RACGAP1: variants seen among roughly 807,000 people sequenced by gnomAD.
RACGAP1 encodes rac GTPase-activating protein 1.
In RACGAP1, 30 loss-of-function variants were observed where a neutral mutation model predicts 78.1. The observed-to-expected ratio is 0.38, with a 90% CI of 0.29 to 0.52. The LOEUF is 0.52. Ranked by LOEUF, RACGAP1 falls within the 20% of genes least tolerant of loss-of-function variation. The pLI, the probability that RACGAP1 is intolerant of heterozygous loss-of-function variation, is 0.82. For missense variants in RACGAP1, 587 were observed against 777.1 expected (o/e 0.76, Z 2.91); for synonymous variants, 231 against 264.8 (o/e 0.87, Z 1.24).
intron 1 of RACGAP1, among the ~76,000 whole-genome samples, chr12:50,020,669 C>A (rs1949960301): frequency 6.6e-6 from 1 of 152,068 alleles, no homozygotes; most frequent in East Asian, 1.9e-4. Context: ...TGTTGCAGAC[C>A]TACTCAGAGA....
At chr12:50,027,765 G>T (rs962103796), upstream of RACGAP1, among the ~76,000 whole-genome samples, 1 of 152,224 alleles carries the variant, frequency 6.6e-6, no homozygotes, top group East Asian at 1.9e-4. Flanking sequence ...GGCAGAGGTT[G>T]TGGTGAGCCG....
Position 49,995,503 on chromosome 12 carries a change from T to A in RACGAP1, c.1045-994A>T, listed in dbSNP as rs1948202995. Among the ~76,000 whole-genome samples, 9 of 152,122 alleles carry A rather than the reference T, an allele frequency of 5.9e-5. No homozygotes were observed. In the South Asian group the frequency reaches 1.9e-3, roughly 31 times the overall value. ...AATGTTACTTACATAATAATTTTTT[T>A]TTTTTTTGAGATAGGGTCTTGCTCT... On this transcript the variant is annotated intron_variant, in intron 10 of 16. Transcript: ENST00000312377.
At chr12:50,019,175 C>T (rs1455389642) in intron 1 of RACGAP1, among the ~76,000 whole-genome samples, 1 of 152,136 alleles carries the variant, frequency 6.6e-6, no homozygotes, top group Non-Finnish European at 1.5e-5. Context: ...ATGTATCTAC[C>T]ATACCCACCC....
At chr12:50,029,183 T>G (rs1274851353), upstream of RACGAP1, among the ~76,000 whole-genome samples, 1 of 111,502 alleles carries the variant, frequency 9.0e-6, no homozygotes, top group Non-Finnish European at 1.8e-5. Flanking sequence ...GCCACTGCAC[T>G]CCAGCCTGGG....
chr12:50,017,225 G>A (rs1004790609), intron 1 of RACGAP1: 2 of 334,960 alleles, frequency 6.0e-6, no homozygotes, highest in Admixed American at 6.3e-5. Context: ...CACAGATGAC[G>A]TCACATGAGT....
chr12:50,021,205 TCATA>T, intron 1 of RACGAP1: 1 of 821,784 alleles, frequency 1.2e-6, no homozygotes, highest in Non-Finnish European at 1.5e-6. Context: ...AAAAACAAAG[TCATA>T]TTGTAGTACA....
At chr12:50,009,182 G>A (rs1255663538) in intron 2 of RACGAP1, among the ~76,000 whole-genome samples, 1 of 147,752 alleles carries the variant, frequency 6.8e-6, no homozygotes, top group Non-Finnish European at 1.5e-5. Context: ...GGCAGAAGTC[G>A]CAGTGAGCTG....
At chr12:50,004,116 T>A (rs559900025) in intron 5 of RACGAP1, 119 bp downstream of exon 5, 9 of 1,380,496 alleles carry the variant, frequency 6.5e-6, no homozygotes, top group Non-Finnish European at 1.9e-6. Context: ...TCAGAATCTA[T>A]AACACATCAA....
rs552004111 is a variant in RACGAP1 at position 49,995,687 on chromosome 12, G to C, written c.1045-1178C>G. 2.6e-5 allele frequency among the ~76,000 whole-genome samples: 4 copies of C among 152,212 alleles called. No homozygotes were observed. In the South Asian group the frequency reaches 8.3e-4, roughly 32 times the overall value. On this transcript the variant is annotated intron_variant, in intron 10 of 16. Coordinates refer to ENST00000312377, the MANE Select transcript of RACGAP1 (RefSeq NM_001319999.2). Reference sequence around the variant, plus strand: ...TTTATTTATTCTTTGTAGAGATGGAGTCTTGCTTTGTTGTCCAGGCTGGTC... The same window carrying C: ...TTTATTTATTCTTTGTAGAGATGGACTCTTGCTTTGTTGTCCAGGCTGGTC...
chr12:49,997,257 A>ATCATAATC, intron 9 of RACGAP1, 53 bp from the exon 10 acceptor site: 1 of 1,414,324 alleles, frequency 7.1e-7, no homozygotes, highest in Admixed American at 2.6e-5. Flanking sequence ...GAAAATTATC[A>ATCATAATC]TCATAATCAA....
In RACGAP1 at chr12:49,992,221, A is replaced by T. The variant is rs1186176291; in HGVS notation, c.1578+24T>A. 4.3e-6 allele frequency: 7 copies of T among 1,610,320 alleles called. No homozygotes were observed. The South Asian group carries it at 7.7e-5, about 18-fold the overall frequency. ...GTTATCACATTACACAAGTTCACAT[A>T]CACACACACACGCACCTGCCTACCT... On this transcript the variant is annotated intron_variant, in intron 14 of 16. Coordinates refer to ENST00000312377, the MANE Select transcript of RACGAP1 (RefSeq NM_001319999.2).
At chr12:50,012,294 C>T (rs995613882) in intron 2 of RACGAP1, among the ~76,000 whole-genome samples, 1 of 151,968 alleles carries the variant, frequency 6.6e-6, no homozygotes, top group Non-Finnish European at 1.5e-5. Context: ...GGCGCGGTGG[C>T]TCACGCCTGT....
intron 2 of RACGAP1, among the ~76,000 whole-genome samples, chr12:50,012,789 C>A (rs113713061): frequency 6.6e-6 from 1 of 150,542 alleles, no homozygotes; most frequent in Non-Finnish European, 1.5e-5. Flanking sequence ...GAGGGCCGGG[C>A]GCGGTGGCTC....
intron 9 of RACGAP1, 136 bp from the exon 10 acceptor site, chr12:49,997,340 T>G (rs1222931714): frequency 2.3e-6 from 3 of 1,280,402 alleles, no homozygotes; most frequent in Admixed American, 3.6e-5. Context: ...AGTGGTGTGA[T>G]TTCAGCTCAC....
intron 1 of RACGAP1, 95 bp downstream of exon 1, chr12:50,025,303 G>C: frequency 1.0e-6 from 1 of 985,472 alleles, no homozygotes. Flanking sequence ...CGCTGTCCCG[G>C]ACCCCCGCGG....
At chr12:49,994,747 CA>C (rs1754994815) in intron 10 of RACGAP1, among the ~76,000 whole-genome samples, 1 of 152,176 alleles carries the variant, frequency 6.6e-6, no homozygotes, top group African/African-American at 2.4e-5. Context: ...ATATACACCA[CA>C]CTGTTATGTG....
At chr12:50,024,123 T>C (rs1950156643) in intron 1 of RACGAP1, among the ~76,000 whole-genome samples, 1 of 151,596 alleles carries the variant, frequency 6.6e-6, no homozygotes, top group African/African-American at 2.4e-5. Flanking sequence ...ATCGCGCCAC[T>C]GCACTCCAGC....
upstream of RACGAP1, among the ~76,000 whole-genome samples, chr12:50,026,206 C>T (rs1014351112): frequency 6.6e-6 from 1 of 152,158 alleles, no homozygotes; most frequent in South Asian, 2.1e-4. Context: ...AAACTCTGCT[C>T]ATCCTTACTA....
chr12:50,021,533 C>T (rs1950009973), intron 1 of RACGAP1, among the ~76,000 whole-genome samples: 2 of 152,196 alleles, frequency 1.3e-5, no homozygotes, highest in South Asian at 4.1e-4. Flanking sequence ...TAGATATCAT[C>T]CTTCAGAAAA....
Sources: allele counts gnomAD v4.1 joint callset (sites outside exome capture counted in the v4.1 genomes callset), GRCh38; gene constraint gnomAD v4.1.1; transcripts MANE v1.5; gene names NCBI Gene and HGNC (gene_info 2026-07-23, HGNC 2026-07-21).